OR3A2: variants seen among roughly 807,000 people sequenced by gnomAD.
The protein encoded by OR3A2 is olfactory receptor family 3 subfamily A member 2.
For missense variants in OR3A2, 318 were observed against 392.8 expected (o/e 0.81, Z 1.61); for synonymous variants, 126 against 159.3 (o/e 0.79, Z 1.57).
intron 3 of OR3A2, among the ~76,000 whole-genome samples, chr17:3,296,220 G>T (rs555659618): frequency 6.6e-6 from 1 of 152,160 alleles, no homozygotes; most frequent in South Asian, 2.1e-4. Flanking sequence ...AATATTTAAA[G>T]AAATCCTTAA....
chr17:3,322,411 T>C (rs1420122443), intron 3 of OR3A2, among the ~76,000 whole-genome samples: 2 of 152,202 alleles, frequency 1.3e-5, no homozygotes, highest in Non-Finnish European at 2.9e-5. Flanking sequence ...TGCCTTCTAC[T>C]AGCTTTTGAA....
At chr17:3,350,299 GA>G (rs1443363796) in intron 2 of OR3A2, among the ~76,000 whole-genome samples, 1 of 149,944 alleles carries the variant, frequency 6.7e-6, no homozygotes, top group Non-Finnish European at 1.5e-5. Context: ...GACTAATAAA[GA>G]AAAAAAGAGA....
chr17:3,346,815 AT>A (rs1479945764), intron 2 of OR3A2, among the ~76,000 whole-genome samples: 1 of 152,168 alleles, frequency 6.6e-6, no homozygotes, highest in African/African-American at 2.4e-5. Flanking sequence ...TGCCTGGCTT[AT>A]TCACTCAATA....
intron 1 of OR3A2, among the ~76,000 whole-genome samples, chr17:3,283,971 C>T (rs1462045560): frequency 1.4e-5 from 2 of 144,098 alleles, no homozygotes; most frequent in African/African-American, 2.7e-5. Context: ...CCCTCCTGCA[C>T]GACCACTCTC....
chr17:3,346,957 C>A (rs9902892), intron 2 of OR3A2, among the ~76,000 whole-genome samples: 23,037 of 152,108 alleles, frequency 0.15, 2,317 homozygotes, highest in African/African-American at 0.28. Context: ...ACTTAGGTTG[C>A]CTCCCAAAGC....
At chr17:3,356,027 C>T (rs529725054) in intron 2 of OR3A2, among the ~76,000 whole-genome samples, 1 of 151,346 alleles carries the variant, frequency 6.6e-6, no homozygotes, top group South Asian at 2.1e-4. Flanking sequence ...ATGAGGCTAG[C>T]AAATACTGTC....
intron 2 of OR3A2, among the ~76,000 whole-genome samples, chr17:3,343,423 C>T (rs2049337233): frequency 6.6e-6 from 1 of 152,186 alleles, no homozygotes; most frequent in South Asian, 2.1e-4. Flanking sequence ...CTAATGCAAA[C>T]ACAATAAGAA....
At chr17:3,310,282 G>A (rs770937535) in intron 3 of OR3A2, 3 of 520,546 alleles carry the variant, frequency 5.8e-6, no homozygotes, top group African/African-American at 3.9e-5. Context: ...ATCTAACACT[G>A]CTCAGTCCAC....
At chr17:3,370,464 C>G (rs996566862) in intron 2 of OR3A2, among the ~76,000 whole-genome samples, 6 of 152,128 alleles carry the variant, frequency 3.9e-5, no homozygotes, top group African/African-American at 4.8e-5. Flanking sequence ...TTTATCTTGT[C>G]AAAGAACCAG....
exon 2 of OR3A2, chr17:3,277,974 G>A (rs748245578): frequency 6.3e-7 from 1 of 1,596,218 alleles, no homozygotes; most frequent in Non-Finnish European, 8.6e-7. Flanking sequence ...TACCTCTCAG[G>A]TCAGTGATCT....
intron 2 of OR3A2, among the ~76,000 whole-genome samples, chr17:3,363,109 T>C (rs2049532655): frequency 6.6e-6 from 1 of 151,826 alleles, no homozygotes; most frequent in Admixed American, 6.6e-5. Flanking sequence ...ACTGGAGACA[T>C]TTTCCCCATT....
rs1395426532 is a variant in OR3A2 at position 3,329,663 on chromosome 17, C to T, written c.-85+6370G>A. ...TTTGTTGATCCTTTCAAAAAACCAG[C>T]TCCTGGATTCGTTAATTTTTTGAAG... On this transcript the variant is annotated intron_variant, in intron 3 of 4. Transcript: ENST00000573491. Among the ~76,000 whole-genome samples, 3 of 140,698 alleles carry T rather than the reference C, an allele frequency of 2.1e-5. No homozygotes were observed. In the Admixed American group the frequency reaches 2.2e-4, roughly 10 times the overall value. 92.3% of individuals were successfully genotyped at this position (140,698 alleles called of 152,430 possible).
At chr17:3,357,463 G>C (rs2049472965) in intron 2 of OR3A2, among the ~76,000 whole-genome samples, 1 of 151,626 alleles carries the variant, frequency 6.6e-6, no homozygotes, top group Non-Finnish European at 1.5e-5. Flanking sequence ...TGCACACAAA[G>C]AGACATATAA....
chr17:3,367,348 T>C (rs1027209216), intron 2 of OR3A2, among the ~76,000 whole-genome samples: 1 of 152,080 alleles, frequency 6.6e-6, no homozygotes, highest in Non-Finnish European at 1.5e-5. Flanking sequence ...TGTAATCTTT[T>C]ATCCCTCATA....
chr17:3,346,831 G>A (rs1205691386), intron 2 of OR3A2, among the ~76,000 whole-genome samples: 2 of 152,000 alleles, frequency 1.3e-5, no homozygotes, highest in Non-Finnish European at 2.9e-5. Flanking sequence ...TCAATATAAG[G>A]ACCTCCAGTT....
chr17:3,381,134 G>A (rs1230310118), intron 2 of OR3A2, among the ~76,000 whole-genome samples: 1 of 151,892 alleles, frequency 6.6e-6, no homozygotes, highest in Non-Finnish European at 1.5e-5. Context: ...ATATATTCCT[G>A]TCCCGGTGGG....
intron 1 of OR3A2, among the ~76,000 whole-genome samples, chr17:3,385,465 A>AGATAGAGGAGTTTGGATAGATAGAT (rs1350193614): frequency 3.3e-5 from 5 of 152,242 alleles, no homozygotes; most frequent in African/African-American, 1.2e-4. Flanking sequence ...ATAGATAGAT[A>AGATAGAGGAGTTTGGATAGATAGAT]GATAGAGGAG....
chr17:3,341,812 C>T (rs1353153706), intron 2 of OR3A2, among the ~76,000 whole-genome samples: 2 of 152,130 alleles, frequency 1.3e-5, no homozygotes, highest in Non-Finnish European at 2.9e-5. Context: ...TTTTGGACTG[C>T]CTTGCTAGGT....
intron 3 of OR3A2, among the ~76,000 whole-genome samples, chr17:3,299,215 T>G (rs550313237): frequency 6.6e-6 from 1 of 152,230 alleles, no homozygotes; most frequent in Non-Finnish European, 1.5e-5. Context: ...TCTCCCAGAT[T>G]CCTCTCGGAA....
Sources: allele counts gnomAD v4.1 joint callset (sites outside exome capture counted in the v4.1 genomes callset), GRCh38; gene constraint gnomAD v4.1.1; transcripts MANE v1.5; gene names NCBI Gene and HGNC (gene_info 2026-07-23, HGNC 2026-07-21).